Variants in ASPH observed in about 807,000 individuals in gnomAD.
ASPH encodes aspartyl/asparaginyl beta-hydroxylase.
ASPH carries 100 observed loss-of-function variants against 118.4 expected under a neutral mutation model. The observed-to-expected ratio is 0.84, with a 90% confidence interval of 0.72 to 1.00. The LOEUF is 1.00. ASPH is among the 50% of genes least tolerant of loss of function. The pLI, the probability that ASPH is intolerant of heterozygous loss-of-function variation, is 0.00. For synonymous variants in ASPH, 315 were observed against 325.6 expected, an observed-to-expected ratio of 0.97 and a Z score of 0.35; for missense variants, 920 against 919.5, an observed-to-expected ratio of 1.00 and a Z score of -0.01.
intron 3 of ASPH, chr8:61,675,752 G>A: frequency 9.1e-7 from 1 of 1,098,780 alleles, no homozygotes; most frequent in Non-Finnish European, 1.1e-6. Context: ...TTGCTGTTAA[G>A]TGTCCAAATT....
intron 1 of ASPH, among the ~76,000 whole-genome samples, chr8:61,695,149 T>G (rs761554913): frequency 8.5e-5 from 13 of 152,246 alleles, no homozygotes; most frequent in Non-Finnish European, 1.9e-4. Flanking sequence ...GTTCCAACGT[T>G]CTTTCAACTG....
chr8:61,658,606 A>AAG (rs1815042878), intron 3 of ASPH: 2 of 152,326 alleles, frequency 1.3e-5, no homozygotes, highest in South Asian at 4.1e-4. Context: ...CAGGACCCCT[A>AAG]AGAAGGGCTT....
chr8:61,532,741 A>G (rs1382670130), intron 21 of ASPH, among the ~76,000 whole-genome samples: 4 of 152,128 alleles, frequency 2.6e-5, no homozygotes, highest in African/African-American at 9.7e-5. Context: ...AGGAGTCAGG[A>G]TAGTATAGTG....
At chr8:61,656,105 T>C (rs1813533549) in intron 3 of ASPH, 1 of 152,194 alleles carries the variant, frequency 6.6e-6, no homozygotes, top group African/African-American at 2.4e-5. Context: ...AGTAAATGCA[T>C]ATAAGCTCAA....
chr8:61,590,918 G>A (rs767778955), intron 14 of ASPH, among the ~76,000 whole-genome samples: 1 of 152,002 alleles, frequency 6.6e-6, no homozygotes, highest in Non-Finnish European at 1.5e-5. Flanking sequence ...TCTTTAGGCA[G>A]AAAATAATCT....
chr8:61,542,630 A>G (rs983444612), intron 21 of ASPH, among the ~76,000 whole-genome samples: 3 of 152,222 alleles, frequency 2.0e-5, no homozygotes, highest in Non-Finnish European at 4.4e-5. Flanking sequence ...GATAGAAGAA[A>G]AAACTAATAA....
intron 21 of ASPH, among the ~76,000 whole-genome samples, chr8:61,539,709 T>TGTGTGTGTGTGTGTGTGTGTGTGTGC (rs1821114577): frequency 7.1e-6 from 1 of 141,314 alleles, no homozygotes; most frequent in East Asian, 2.0e-4. Context: ...GGTGTGTGTG[T>TGTGTGTGTGTGTGTGTGTGTGTGTGC]GTGTGTGTGT....
intron 16 of ASPH, 44 bp downstream of exon 16, chr8:61,576,728 A>C: frequency 6.5e-7 from 1 of 1,535,772 alleles, no homozygotes; most frequent in Non-Finnish European, 8.9e-7. Context: ...CACAAAACAC[A>C]TGAACATCAA....
intron 1 of ASPH, among the ~76,000 whole-genome samples, chr8:61,684,892 T>C (rs1253865326): frequency 6.6e-6 from 1 of 152,084 alleles, no homozygotes; most frequent in Non-Finnish European, 1.5e-5. Context: ...TAACAGAAAA[T>C]AGTCAACACT....
At chr8:61,611,173 T>C (rs1847222750) in intron 14 of ASPH, among the ~76,000 whole-genome samples, 1 of 152,198 alleles carries the variant, frequency 6.6e-6, no homozygotes, top group Admixed American at 6.5e-5. Context: ...GGATTAGCTA[T>C]AATGACTTCA....
At position 61,517,552 on chromosome 8, in the gene ASPH, T is replaced by C. The variant is rs1811362472; in HGVS notation, c.2102A>G (p.Lys701Arg). 9 of 1,614,150 alleles carry C rather than the reference T, an allele frequency of 5.6e-6. 1 individual carries two copies. The highest frequency in any genetic ancestry group is 1.3e-5 in the African/African-American group (1 of 75,054). ...CTTGGTCTCGTTGGCACATCGAATC[T>C]TGCAGCCTTCCTTGGGAATCACCAA... Reference protein sequence around the residue: ...LGLVIPKEGCKIRCANETKTW... With the variant: ...LGLVIPKEGCRIRCANETKTW... Residue 701 changes from lysine (K) to arginine (R), a missense_variant, in exon 24 of 25, where the codon AAG becomes AGG. By Grantham distance (26) the Lys-to-Arg change is conservative. Coordinates refer to ENST00000379454, the MANE Select transcript of ASPH (RefSeq NM_004318.4).
At chr8:61,668,303 G>A (rs1820721476) in intron 3 of ASPH, 1 of 1,571,260 alleles carries the variant, frequency 6.4e-7, no homozygotes, top group South Asian at 1.2e-5. Flanking sequence ...ATGAAAATAG[G>A]TTATAAACAG....
chr8:61,646,725 A>C (rs755188050), intron 6 of ASPH, 25 bp downstream of exon 6: 2 of 1,599,012 alleles, frequency 1.3e-6, no homozygotes, highest in Non-Finnish European at 8.5e-7. Context: ...ATTTTATCCT[A>C]AAACTTGAAA....
At position 61,596,759 on chromosome 8, in the gene ASPH, G is replaced by A. The variant is rs191613079; in HGVS notation, c.977-12730C>T. 2.0e-3 allele frequency among the ~76,000 whole-genome samples: 302 copies of A among 152,332 alleles called. 3 individuals carry two copies. In the South Asian group the frequency reaches 0.024, roughly 12 times the overall value. On this transcript the variant is annotated intron_variant, in intron 14 of 24. Coordinates refer to ENST00000379454, the MANE Select transcript of ASPH (RefSeq NM_004318.4). ...CAGCAAAAAAGTCTTTCCTATGAAA[G>A]CCAATTCACAAAATTGGAAGAAGTG...
chr8:61,625,034 G>A (rs1852241930), intron 13 of ASPH: 8 of 985,598 alleles, frequency 8.1e-6, no homozygotes, highest in Non-Finnish European at 8.4e-6. Context: ...CCTAAAAGCA[G>A]GGGGAAAAAG....
At chr8:61,587,800 G>A (rs576922360) in intron 14 of ASPH, among the ~76,000 whole-genome samples, 1 of 152,100 alleles carries the variant, frequency 6.6e-6, no homozygotes, top group East Asian at 1.9e-4. Flanking sequence ...TACACAGAAA[G>A]CCTGAGGCAA....
intron 18 of ASPH, among the ~76,000 whole-genome samples, chr8:61,561,816 T>C (rs1830057350): frequency 6.6e-6 from 1 of 152,200 alleles, no homozygotes; most frequent in African/African-American, 2.4e-5. Flanking sequence ...TAGTCCCAGC[T>C]ACTTAAGAGG....
intron 15 of ASPH, among the ~76,000 whole-genome samples, chr8:61,581,942 G>A (rs1180356266): frequency 6.6e-6 from 1 of 152,188 alleles, no homozygotes; most frequent in Non-Finnish European, 1.5e-5. Context: ...GGGATAAAAA[G>A]CGAACACATA....
intron 14 of ASPH, among the ~76,000 whole-genome samples, chr8:61,606,091 T>C (rs1346662057): frequency 1.3e-5 from 2 of 152,140 alleles, no homozygotes; most frequent in African/African-American, 4.8e-5. Flanking sequence ...TAGGACTGTC[T>C]GGAAGTGCCA....
Sources: gnomAD v4.1 joint callset for allele counts (sites outside exome capture counted in the v4.1 genomes callset) on GRCh38, gnomAD v4.1.1 for gene constraint, MANE v1.5 for transcripts, NCBI Gene and HGNC (gene_info 2026-07-23, HGNC 2026-07-21) for gene names.